The following BRAF variants were observed in gnomAD, a reference collection of about 807,000 sequenced individuals.
BRAF encodes B-Raf proto-oncogene, serine/threonine kinase.
A neutral mutation model predicts 104.6 loss-of-function variants in BRAF; 16 were observed. That is an observed-to-expected ratio of 0.15 (90% CI 0.10 to 0.23). The LOEUF (loss-of-function observed/expected upper bound fraction) is 0.23, where lower values mean the gene tolerates loss of function less well. BRAF is among the 10% of genes least tolerant of loss of function. The pLI, the probability that BRAF is intolerant of heterozygous loss-of-function variation, is 1.00. For synonymous variants in BRAF, 310 were observed against 341.6 expected (o/e 0.91, Z 1.02); for missense variants, 541 against 937.3 (o/e 0.58, Z 5.52).
intron 1 of BRAF, among the ~76,000 whole-genome samples, chr7:140,895,601 C>T (rs902737240): frequency 2.0e-5 from 3 of 152,166 alleles, no homozygotes; most frequent in East Asian, 1.9e-4. Flanking sequence ...ATTCCCAGCC[C>T]GAGTATCCTC....
rs541003410 is a variant in BRAF, at chr7:140,720,026, G to T, written c.*6468C>A. 3 of 1,061,548 alleles carry T rather than the reference G, an allele frequency of 2.8e-6. No homozygotes were observed. Among genetic ancestry groups the T allele is most frequent in the Non-Finnish European group, 3.4e-6 (3 of 877,054 alleles). 65.8% of individuals were successfully genotyped at this position (1,061,548 alleles called of 1,614,324 possible). On this transcript the variant is annotated 3_prime_UTR_variant, in exon 20 of 20. Transcript: ENST00000644969. Reference sequence around the variant, plus strand: ...TACAGGAGTCATGTCCTCAAACCAAGGAATACATGAAAAGGGGGGATTTCC... The same window carrying T: ...TACAGGAGTCATGTCCTCAAACCAATGAATACATGAAAAGGGGGGATTTCC...
chr7:140,837,872 T>G (rs1807510786), intron 2 of BRAF, among the ~76,000 whole-genome samples: 1 of 152,188 alleles, frequency 6.6e-6, no homozygotes, highest in Non-Finnish European at 1.5e-5. Flanking sequence ...TACTTCTTTA[T>G]CTACAAAATT....
Position 140,812,160 on chromosome 7 carries a change from C to CTGTGTGTGTGTGTGTGTG in BRAF, c.505-3183_505-3166dup, listed in dbSNP as rs201757515. Among the ~76,000 whole-genome samples, 708 of 140,590 alleles carry CTGTGTGTGTGTGTGTGTG rather than the reference C, an allele frequency of 5.0e-3. 2 individuals carry two copies. The highest frequency in any genetic ancestry group is 0.015 in the South Asian group (65 of 4,204). The allele number at this position is 140,590 out of a possible 152,430, so 92.2% of individuals were successfully genotyped here. On this transcript the variant is annotated intron_variant, in intron 3 of 19. Transcript: ENST00000644969. Reference sequence around the variant, plus strand: ...TTTGGGCATGCATGTGCATGCACACCTGTGTGTGTGTGTGTGTGTGTGTGT... The same window carrying CTGTGTGTGTGTGTGTGTG: ...TTTGGGCATGCATGTGCATGCACACCTGTGTGTGTGTGTGTGTGTGTGTGTGTGTGTGTGTGTGTGTGT...
At chr7:140,772,297 A>G (rs2129015330) in intron 14 of BRAF, among the ~76,000 whole-genome samples, 1 of 152,014 alleles carries the variant, frequency 6.6e-6, no homozygotes, top group East Asian at 1.9e-4. Flanking sequence ...AACAACAACA[A>G]CAACAACAAC....
At position 140,721,320 on chromosome 7, in the gene BRAF, C is replaced by G; in HGVS notation, c.*5174G>C. 8.5e-7 allele frequency: 1 copy of G among 1,180,340 alleles called. No individual in the cohort carries two copies. Among genetic ancestry groups the G allele is most frequent in the Non-Finnish European group, 1.0e-6 (1 of 956,802 alleles). 73.1% of individuals were successfully genotyped at this position (1,180,340 alleles called of 1,614,324 possible). A position where few individuals can be genotyped will look rare whatever the true frequency, so the allele number is the denominator to read the frequency against. On this transcript the variant is annotated 3_prime_UTR_variant, in exon 20 of 20. Coordinates refer to ENST00000644969, the MANE Select transcript of BRAF (RefSeq NM_001374258.1). ...ATTTTTTTTTTTTAAAGCACTGTTA[C>G]CTTAATTTAAGATTTTAGGAGTTGG...
chr7:140,720,237 T>A lies in BRAF; in HGVS notation c.*6257A>T. ...CAAATGAGATTACCACAAATACATA[T>A]CACTGTGATACAGTCCTCAAAAATC... On this transcript the variant is annotated 3_prime_UTR_variant, in exon 20 of 20. Coordinates refer to ENST00000644969, the MANE Select transcript of BRAF (RefSeq NM_001374258.1). The A allele has an allele frequency of 4.7e-6, 5 of 1,062,816 alleles. No individual in the cohort carries two copies. Among genetic ancestry groups the A allele is most frequent in the Non-Finnish European group, 5.7e-6 (5 of 877,808 alleles). 65.8% of individuals were successfully genotyped at this position (1,062,816 alleles called of 1,614,324 possible). A position where few individuals can be genotyped will look rare whatever the true frequency, so the allele number is the denominator to read the frequency against.
At chr7:140,866,657 C>T (rs1810996039) in intron 1 of BRAF, among the ~76,000 whole-genome samples, 1 of 152,092 alleles carries the variant, frequency 6.6e-6, no homozygotes, top group Admixed American at 6.6e-5. Flanking sequence ...GAAGCACTAG[C>T]CACCTTAGTC....
chr7:140,911,376 AT>A (rs1220206553), intron 1 of BRAF, among the ~76,000 whole-genome samples: 2 of 152,252 alleles, frequency 1.3e-5, no homozygotes, highest in Non-Finnish European at 2.9e-5. Context: ...GACACTGAAC[AT>A]TTCCATCATC....
intron 1 of BRAF, among the ~76,000 whole-genome samples, chr7:140,908,352 T>A (rs760834551): frequency 1.4e-4 from 22 of 152,228 alleles, no homozygotes; most frequent in Non-Finnish European, 2.8e-4. Context: ...CTAATTTTTT[T>A]ATTTTTACTA....
intron 1 of BRAF, among the ~76,000 whole-genome samples, chr7:140,914,102 A>G (rs1230726975): frequency 6.6e-6 from 1 of 152,246 alleles, no homozygotes; most frequent in Non-Finnish European, 1.5e-5. Flanking sequence ...AGATTTCTGA[A>G]AGGAAATTTT....
At position 140,724,578 on chromosome 7, in the gene BRAF, C is replaced by T. The variant is rs2130827622; in HGVS notation, c.*1916G>A. Reference sequence around the variant, plus strand: ...ATCTTTTCCATTTTACTAGGACAACCTTTTACAAGACAATGAAAATTTCAA... The same window carrying T: ...ATCTTTTCCATTTTACTAGGACAACTTTTTACAAGACAATGAAAATTTCAA... On this transcript the variant is annotated 3_prime_UTR_variant, in exon 20 of 20. Coordinates refer to ENST00000644969, the MANE Select transcript of BRAF (RefSeq NM_001374258.1). The T allele has an allele frequency of 3.8e-6, 4 of 1,040,740 alleles. No homozygotes were observed. The highest frequency in any genetic ancestry group is 4.6e-6 in the Non-Finnish European group (4 of 863,652). The allele number at this position is 1,040,740 out of a possible 1,614,324, so 64.5% of individuals were successfully genotyped here.
chr7:140,725,251 A>G lies in BRAF; in HGVS notation c.*1243T>C. ...AGTTGGAAGAAACAATGAGATTATT[A>G]GCAAAGATGTTAGTGTGGATCCAGC... On this transcript the variant is annotated 3_prime_UTR_variant, in exon 20 of 20. Transcript: ENST00000644969. 1 of 1,045,204 alleles carries G rather than the reference A, an allele frequency of 9.6e-7. No homozygotes were observed. Among genetic ancestry groups the G allele is most frequent in the Non-Finnish European group, 1.2e-6 (1 of 866,354 alleles). The allele number at this position is 1,045,204 out of a possible 1,614,324, so 64.7% of individuals were successfully genotyped here. A position where few individuals can be genotyped will look rare whatever the true frequency, so the allele number is the denominator to read the frequency against.
At chr7:140,812,896 T>C (rs1181174673) in intron 3 of BRAF, among the ~76,000 whole-genome samples, 1 of 152,022 alleles carries the variant, frequency 6.6e-6, no homozygotes. Flanking sequence ...GGATCAAATA[T>C]TTAAATGCTG....
chr7:140,815,469 T>A (rs1485723543), intron 3 of BRAF, among the ~76,000 whole-genome samples: 2 of 127,050 alleles, frequency 1.6e-5, no homozygotes, highest in Non-Finnish European at 1.6e-5. Flanking sequence ...AGGGTCTTGC[T>A]CTGCCACCCA....
intron 1 of BRAF, among the ~76,000 whole-genome samples, chr7:140,895,662 G>A (rs1380286921): frequency 6.6e-6 from 1 of 152,060 alleles, no homozygotes; most frequent in Admixed American, 6.6e-5. Flanking sequence ...TTCCACATAA[G>A]AGTGAGAACA....
intron 14 of BRAF, among the ~76,000 whole-genome samples, chr7:140,756,849 T>C (rs1192324335): frequency 2.0e-5 from 3 of 152,212 alleles, no homozygotes; most frequent in African/African-American, 7.2e-5. Context: ...ATAGAACCAT[T>C]TAATCTTAGA....
intron 3 of BRAF, among the ~76,000 whole-genome samples, chr7:140,815,874 C>CTGT (rs1230356885): frequency 1.3e-5 from 2 of 152,170 alleles, no homozygotes; most frequent in Non-Finnish European, 2.9e-5. Flanking sequence ...AGCGTGCCTC[C>CTGT]TGGTCAGGTT....
chr7:140,834,702 A>C lies in BRAF; in HGVS notation c.411T>G (p.Val137=), dbSNP rs1586339662. ...GTGCCACATCTGTGGGATTTTGAAA[A>C]ACTGAAAGAGATGAAGGTAGCACTG... ...SLSVLPSSLS[V]FQNPTDVARS... is the part of the protein sequence containing the mutation. The change falls in exon 3 of 20, where the codon GTT becomes GTG. Residue 137 remains valine (V), a synonymous_variant. Coordinates refer to ENST00000644969, the MANE Select transcript of BRAF (RefSeq NM_001374258.1). 3 of 1,614,140 alleles carry C rather than the reference A, an allele frequency of 1.9e-6. No individual in the cohort carries two copies. The highest frequency in any genetic ancestry group is 3.3e-5 in the Admixed American group (2 of 60,018).
rs776147874 is a variant in BRAF, at chr7:140,781,721, T to C, written c.1435-28A>G. 1.6e-5 allele frequency: 25 copies of C among 1,580,354 alleles called. No individual in the cohort carries two copies. The Admixed American group carries it at 3.8e-4, about 24-fold the overall frequency. On this transcript the variant is annotated intron_variant, in intron 11 of 19. Transcript: ENST00000644969. ...TGATAAAAACAGTAAAAAAGTCAAG[T>C]CAAGCCAAACAGAAAAAGAAAACCT...
Sources: allele counts gnomAD v4.1 joint callset (sites outside exome capture counted in the v4.1 genomes callset), GRCh38; gene constraint gnomAD v4.1.1; transcripts MANE v1.5; gene names NCBI Gene and HGNC (gene_info 2026-07-23, HGNC 2026-07-21).